Variants in CSDC2 observed in about 807,000 individuals in gnomAD.
CSDC2 encodes the protein cold shock domain-containing protein C2.
In CSDC2, 8 loss-of-function variants were observed where a neutral mutation model predicts 15.8. The ratio of observed to expected loss-of-function variants is 0.51; its 90% confidence interval spans 0.30 to 0.92. The LOEUF (loss-of-function observed/expected upper bound fraction) is 0.92. Ranked by LOEUF, CSDC2 falls within the 40% of genes least tolerant of loss-of-function variation. The pLI is 0.07. For missense variants in CSDC2, 195 were observed against 213.3 expected, an observed-to-expected ratio of 0.91 and a Z score of 0.53; for synonymous variants, 96 against 92.3, an observed-to-expected ratio of 1.04 and a Z score of -0.23.
chr22:41,573,733 C>A lies in CSDC2; in HGVS notation c.255C>A (p.Ile85=), dbSNP rs775207771. Residue 85 remains isoleucine (I), a synonymous_variant, in exon 3 of 4, where the codon ATC becomes ATA. Coordinates refer to ENST00000306149, the MANE Select transcript of CSDC2 (RefSeq NM_014460.4). ...QFSRSQGHGF[I]TPENGSEDIF... is the part of the protein sequence containing the mutation. ...CACGCTCACAGGGCCATGGCTTCAT[C>A]ACCCCCGAGAACGGGTCCGAGGACA... The A allele has an allele frequency of 6.2e-7, 1 of 1,613,930 alleles. No individual in the cohort carries two copies. Among genetic ancestry groups the A allele is most frequent in the Admixed American group, 1.7e-5 (1 of 60,006 alleles).
intron 2 of CSDC2, among the ~76,000 whole-genome samples, chr22:41,572,897 A>C (rs1179894042): frequency 6.6e-6 from 1 of 152,124 alleles, no homozygotes; most frequent in East Asian, 1.9e-4. Context: ...TTTGGGAAGG[A>C]CAGGGTCTCG....
At chr22:41,565,313 G>C (rs1216932426) in intron 1 of CSDC2, among the ~76,000 whole-genome samples, 1 of 151,364 alleles carries the variant, frequency 6.6e-6, no homozygotes, top group East Asian at 1.9e-4. Flanking sequence ...AATCGGGTGT[G>C]GTGGTGCACG....
chr22:41,562,283 A>G (rs913223536), intron 1 of CSDC2, among the ~76,000 whole-genome samples: 5 of 150,890 alleles, frequency 3.3e-5, no homozygotes, highest in Non-Finnish European at 5.9e-5. Flanking sequence ...AGTCCTCTGG[A>G]CCCTCCAAAT....
chr22:41,575,041 G>C lies in CSDC2; in HGVS notation c.*146G>C, dbSNP rs1455504863. On this transcript the variant is annotated 3_prime_UTR_variant, in exon 4 of 4. Coordinates refer to ENST00000306149, the MANE Select transcript of CSDC2 (RefSeq NM_014460.4). Reference sequence around the variant, plus strand: ...CGTCTGTCTGTCCGTCTGTGCTTGTGGCTATGAGCGTGTGCCTCCACCCAC... The same window carrying C: ...CGTCTGTCTGTCCGTCTGTGCTTGTCGCTATGAGCGTGTGCCTCCACCCAC... The C allele has an allele frequency of 2.0e-6, 2 of 1,001,120 alleles. No homozygotes were observed. The highest frequency in any genetic ancestry group is 2.9e-6 in the Non-Finnish European group (2 of 694,944). The allele number at this position is 1,001,120 out of a possible 1,614,324, so 62.0% of individuals were successfully genotyped here.
At chr22:41,564,087 TAAAAA>T (rs57009120) in intron 1 of CSDC2, among the ~76,000 whole-genome samples, 2 of 125,960 alleles carry the variant, frequency 1.6e-5, no homozygotes, top group Non-Finnish European at 3.3e-5. Context: ...CCATCTCAAT[TAAAAA>T]AAAAAAAAAA....
chr22:41,564,593 C>T (rs1391773774), intron 1 of CSDC2, among the ~76,000 whole-genome samples: 3 of 152,156 alleles, frequency 2.0e-5, no homozygotes, highest in Non-Finnish European at 4.4e-5. Context: ...GTTTCTGTTC[C>T]CCCCGCTGGA....
intron 1 of CSDC2, among the ~76,000 whole-genome samples, chr22:41,562,539 C>CAGGGGGATTCCCTG (rs1390153106): frequency 6.6e-6 from 1 of 152,022 alleles, no homozygotes; most frequent in Non-Finnish European, 1.5e-5. Flanking sequence ...CACGGATGCG[C>CAGGGGGATTCCCTG]AGGGGGATTC....
In CSDC2 at chr22:41,575,232, G is replaced by C. The variant is rs565174282; in HGVS notation, c.*337G>C. 2.7e-6 allele frequency: 1 copy of C among 364,810 alleles called. No individual in the cohort carries two copies. Among genetic ancestry groups the C allele is most frequent in the South Asian group, 3.1e-5 (1 of 31,866 alleles). 22.6% of individuals were successfully genotyped at this position (364,810 alleles called of 1,614,324 possible). On this transcript the variant is annotated 3_prime_UTR_variant, in exon 4 of 4. Coordinates refer to ENST00000306149, the MANE Select transcript of CSDC2 (RefSeq NM_014460.4). ...CCCGTCCCCACGGTGACTGAGCTGC[G>C]AGAGCCTGCGCTGGGCTCACTCCCT...
At chr22:41,570,406 G>GA (rs2067139399) in intron 1 of CSDC2, among the ~76,000 whole-genome samples, 1 of 152,200 alleles carries the variant, frequency 6.6e-6, no homozygotes, top group South Asian at 2.1e-4. Flanking sequence ...ACCTGCTCCA[G>GA]TGGACTCCTG....
At position 41,571,900 on chromosome 22, in the gene CSDC2, G is replaced by A. The variant is rs2067147052; in HGVS notation, c.-66G>A. ...GGGCCAGGCCGGGCCCTGCCCGCAA[G>A]GACGACCAAACCCCTCACCGGCCCC... On this transcript the variant is annotated 5_prime_UTR_variant, in exon 2 of 4. Transcript: ENST00000306149. 1 of 1,131,446 alleles carries A rather than the reference G, an allele frequency of 8.8e-7. No individual in the cohort carries two copies. Among genetic ancestry groups the A allele is most frequent in the Admixed American group, 4.2e-5 (1 of 23,616 alleles). 70.1% of individuals were successfully genotyped at this position (1,131,446 alleles called of 1,614,324 possible). A position where few individuals can be genotyped will look rare whatever the true frequency, so the allele number is the denominator to read the frequency against.
At position 41,561,081 on chromosome 22, in the gene CSDC2, C is replaced by T. The variant is rs1302730576; in HGVS notation, c.-226C>T. ...ACACACACACACACACACACACACA[C>T]ATCTTCCAGACCCATCCCCTGCCTG... On this transcript the variant is annotated 5_prime_UTR_variant, in exon 1 of 4. Coordinates refer to ENST00000306149, the MANE Select transcript of CSDC2 (RefSeq NM_014460.4). 1.5e-5 allele frequency: 1 copy of T among 67,812 alleles called. No individual in the cohort carries two copies. The highest frequency in any genetic ancestry group is 4.3e-5 in the Non-Finnish European group (1 of 23,358). The allele number at this position is 67,812 out of a possible 1,614,324, so 4.2% of individuals were successfully genotyped here.
intron 1 of CSDC2, among the ~76,000 whole-genome samples, chr22:41,562,282 G>T (rs1368159926): frequency 6.6e-6 from 1 of 151,638 alleles, no homozygotes; most frequent in South Asian, 2.1e-4. Context: ...GAGTCCTCTG[G>T]ACCCTCCAAA....
intron 1 of CSDC2, among the ~76,000 whole-genome samples, chr22:41,567,008 G>A (rs1425778300): frequency 6.6e-6 from 1 of 152,210 alleles, no homozygotes; most frequent in African/African-American, 2.4e-5. Context: ...TGGGTCTCAG[G>A]CTGCCCTCTT....
At chr22:41,568,179 C>T (rs1182474499) in intron 1 of CSDC2, among the ~76,000 whole-genome samples, 2 of 148,886 alleles carry the variant, frequency 1.3e-5, no homozygotes, top group Non-Finnish European at 3.0e-5. Context: ...GGCTGTAGTG[C>T]AGTAGCTTGA....
chr22:41,562,406 CAAAA>C (rs10642302), intron 1 of CSDC2, among the ~76,000 whole-genome samples: 2 of 132,014 alleles, frequency 1.5e-5, no homozygotes, highest in Non-Finnish European at 3.2e-5. Context: ...TCACCCCCTT[CAAAA>C]AAAAAAAAAA....
At chr22:41,573,073 G>A (rs896244324) in intron 2 of CSDC2, among the ~76,000 whole-genome samples, 1 of 152,144 alleles carries the variant, frequency 6.6e-6, no homozygotes, top group African/African-American at 2.4e-5. Context: ...GGCCAGACAT[G>A]GTGGCTCATG....
At chr22:41,563,435 C>G (rs2067098019) in intron 1 of CSDC2, among the ~76,000 whole-genome samples, 1 of 152,150 alleles carries the variant, frequency 6.6e-6, no homozygotes, top group Non-Finnish European at 1.5e-5. Context: ...TATTTTTAAA[C>G]CACCGTACCC....
At chr22:41,574,272 T>C (rs1479791277) in intron 3 of CSDC2, among the ~76,000 whole-genome samples, 1 of 151,512 alleles carries the variant, frequency 6.6e-6, no homozygotes, top group Non-Finnish European at 1.5e-5. Flanking sequence ...TATTTTATTT[T>C]ATTTATTTTT....
intron 1 of CSDC2, among the ~76,000 whole-genome samples, chr22:41,567,951 C>T (rs1454456011): frequency 1.3e-5 from 2 of 152,136 alleles, no homozygotes; most frequent in Non-Finnish European, 2.9e-5. Context: ...CCCAGCTCGG[C>T]TGGGTCTCTC....
Sources: gnomAD v4.1 joint callset for allele counts (sites outside exome capture counted in the v4.1 genomes callset) on GRCh38, gnomAD v4.1.1 for gene constraint, MANE v1.5 for transcripts, NCBI Gene and HGNC (gene_info 2026-07-23, HGNC 2026-07-21) for gene names.